Variants in CREBRF observed in about 807,000 individuals in gnomAD.
CREBRF encodes the protein CREB3 regulatory factor.
A neutral mutation model predicts 66.1 loss-of-function variants in CREBRF; 5 were observed. That is an observed-to-expected ratio of 0.08 (90% CI 0.04 to 0.16). The LOEUF (loss-of-function observed/expected upper bound fraction) is 0.16. Among genes scored for constraint, CREBRF ranks in the 10% least tolerant of loss-of-function variants. The pLI is 1.00. For missense variants in CREBRF, 531 were observed against 744.9 expected, an observed-to-expected ratio of 0.71 and a Z score of 3.34; for synonymous variants, 229 against 264.4, an observed-to-expected ratio of 0.87 and a Z score of 1.30.
chr5:173,089,677 G>GA (rs1317929884), intron 3 of CREBRF, among the ~76,000 whole-genome samples: 2 of 144,546 alleles, frequency 1.4e-5, no homozygotes, highest in African/African-American at 2.6e-5. Context: ...AAAAAAAAAA[G>GA]AAAAAAAAAT....
At chr5:173,120,619 G>C (rs1224166129) in intron 7 of CREBRF, among the ~76,000 whole-genome samples, 2 of 147,600 alleles carry the variant, frequency 1.4e-5, no homozygotes, top group East Asian at 4.0e-4. Flanking sequence ...GGCCTCAAGT[G>C]ATCCACCCAT....
At chr5:173,074,301 C>CA (rs34804335) in intron 1 of CREBRF, among the ~76,000 whole-genome samples, 64,945 of 126,108 alleles carry the variant, frequency 0.51, 15,333 homozygotes, top group Middle Eastern at 0.56. Flanking sequence ...AAGTCTGTCT[C>CA]AAAAAAAAAA....
In CREBRF at chr5:173,091,394, T is replaced by C. The variant is rs2113739404; in HGVS notation, c.1215T>C (p.Ser405=). ...DKDDDISDTF[S]EPGYENDSVE... ...ATGATGATATTAGTGATACTTTCTCTGAACCAGGTATTATAATGCTTGCAA... is the reference window on the plus strand; with the variant it reads ...ATGATGATATTAGTGATACTTTCTCCGAACCAGGTATTATAATGCTTGCAA... Residue 405 remains serine (S), a synonymous_variant, in exon 4 of 9, where the codon TCT becomes TCC. Transcript: ENST00000296953. The C allele has an allele frequency of 1.2e-6, 2 of 1,613,760 alleles. No individual in the cohort carries two copies. The highest frequency in any genetic ancestry group is 1.7e-6 in the Non-Finnish European group (2 of 1,179,854).
chr5:173,080,527 TGAAACA>T, intron 1 of CREBRF, 52 bp from the exon 2 acceptor site: 1 of 533,798 alleles, frequency 1.9e-6, no homozygotes, highest in Non-Finnish European at 3.3e-6. Context: ...ACTTTTTTTT[TGAAACA>T]TCAACTTGTT....
intron 8 of CREBRF, chr5:173,124,124 A>G (rs1759205351): frequency 6.6e-6 from 1 of 152,166 alleles, no homozygotes; most frequent in Non-Finnish European, 1.5e-5. Context: ...ATAAACATCT[A>G]TATGTTTGGT....
intron 1 of CREBRF, among the ~76,000 whole-genome samples, chr5:173,076,262 CAGTGAT>C (rs1374615951): frequency 1.3e-5 from 2 of 152,026 alleles, no homozygotes; most frequent in African/African-American, 4.8e-5. Context: ...CTCCTGTGTC[CAGTGAT>C]AATGTCATTG....
Position 173,086,538 on chromosome 5 carries a change from C to G in CREBRF, c.47C>G (p.Ala16Gly), listed in dbSNP as rs749011980. ...GGAATGGATCCGCCTTTCGGGGATG[C>G]CTTTCGAAGCCACACCTTTTCGGAA... ...VSGMDPPFGD[A>G]FRSHTFSEQT... Residue 16 changes from alanine (A) to glycine (G), a missense_variant, in exon 3 of 9, where the codon GCC (alanine) becomes GGC (glycine). Physicochemically the swap from Ala to Gly is moderately conservative, Grantham distance 60. Transcript: ENST00000296953. The G allele has an allele frequency of 3.1e-6, 5 of 1,613,728 alleles. No individual in the cohort carries two copies. The highest frequency in any genetic ancestry group is 1.1e-5 in the South Asian group (1 of 91,068).
chr5:173,091,004 G>A lies in CREBRF; in HGVS notation c.825G>A (p.Glu275=), dbSNP rs1401321006. ...GTGGTGCAGTGGCAAAGAGACAAGA[G>A]AAAAAAGGGATGGAGCCTCTTCAAG... ...CYCGAVAKRQ[E]KKGMEPLQGH... The change falls in exon 4 of 9, where the codon GAG becomes GAA. Residue 275 remains glutamate, a synonymous_variant. Transcript: ENST00000296953. 26 of 1,613,966 alleles carry A rather than the reference G, an allele frequency of 1.6e-5. No individual in the cohort carries two copies. Among genetic ancestry groups the A allele is most frequent in the Non-Finnish European group, 2.0e-5 (24 of 1,180,018 alleles).
chr5:173,106,200 C>A (rs564910071), intron 4 of CREBRF, among the ~76,000 whole-genome samples: 1 of 150,902 alleles, frequency 6.6e-6, no homozygotes, highest in Admixed American at 6.6e-5. Context: ...GAGGCCGTGG[C>A]GGGTGGATCA....
At chr5:173,131,449 T>C (rs923731157) in intron 8 of CREBRF, among the ~76,000 whole-genome samples, 7 of 152,130 alleles carry the variant, frequency 4.6e-5, no homozygotes, top group African/African-American at 1.7e-4. Flanking sequence ...TCATATCTCT[T>C]CTTTTGTTTT....
chr5:173,072,863 C>G (rs914393832), intron 1 of CREBRF, among the ~76,000 whole-genome samples: 1 of 152,130 alleles, frequency 6.6e-6, no homozygotes, highest in Non-Finnish European at 1.5e-5. Context: ...CAAACAGATG[C>G]ATTTGTGCTC....
chr5:173,103,504 T>C (rs1758676417), intron 4 of CREBRF, among the ~76,000 whole-genome samples: 1 of 152,214 alleles, frequency 6.6e-6, no homozygotes, highest in South Asian at 2.1e-4. Context: ...GTTTCTTCAG[T>C]GCTAGTTTAG....
At chr5:173,062,975 C>T (rs1468087152) in intron 1 of CREBRF, among the ~76,000 whole-genome samples, 1 of 152,014 alleles carries the variant, frequency 6.6e-6, no homozygotes, top group African/African-American at 2.4e-5. Context: ...TCTCGATCTC[C>T]TGACCTCGTG....
At chr5:173,062,843 G>T (rs547403471) in intron 1 of CREBRF, among the ~76,000 whole-genome samples, 1 of 150,356 alleles carries the variant, frequency 6.7e-6, no homozygotes, top group African/African-American at 2.4e-5. Context: ...TGCCTCCCGG[G>T]TTCACGCCAT....
At chr5:173,089,702 GT>G (rs1758272399) in intron 3 of CREBRF, among the ~76,000 whole-genome samples, 1 of 150,598 alleles carries the variant, frequency 6.6e-6, no homozygotes, top group Non-Finnish European at 1.5e-5. Flanking sequence ...TCTAAAATTC[GT>G]GAGGAGTATT....
At chr5:173,086,290 T>G in intron 2 of CREBRF, 1 of 639,838 alleles carries the variant, frequency 1.6e-6, no homozygotes. Flanking sequence ...GGCAGCACTC[T>G]ATTTTTTCTA....
intron 8 of CREBRF, among the ~76,000 whole-genome samples, chr5:173,128,966 G>T (rs1216810155): frequency 6.6e-6 from 1 of 151,636 alleles, no homozygotes; most frequent in African/African-American, 2.4e-5. Context: ...ATTTTTAGTG[G>T]AGATGGGGTT....
At chr5:173,114,840 G>A (rs1472274206) in intron 7 of CREBRF, among the ~76,000 whole-genome samples, 1 of 152,166 alleles carries the variant, frequency 6.6e-6, no homozygotes, top group Non-Finnish European at 1.5e-5. Flanking sequence ...CCTAAGGAAA[G>A]CTATATGGAA....
chr5:173,114,001 A>G (rs1406036163), intron 7 of CREBRF, among the ~76,000 whole-genome samples: 2 of 152,250 alleles, frequency 1.3e-5, no homozygotes, highest in Admixed American at 6.5e-5. Context: ...AGTGTGAACA[A>G]TGACCAATTA....
Sources: allele counts gnomAD v4.1 joint callset (sites outside exome capture counted in the v4.1 genomes callset), GRCh38; gene constraint gnomAD v4.1.1; transcripts MANE v1.5; gene names NCBI Gene and HGNC (gene_info 2026-07-23, HGNC 2026-07-21).